OPCML: variants seen among roughly 807,000 people sequenced by gnomAD.
OPCML encodes the protein opioid-binding protein/cell adhesion molecule.
Under a neutral mutation model 37.8 loss-of-function variants are expected in OPCML, and 13 were observed. The observed-to-expected ratio is 0.34, with a 90% confidence interval of 0.22 to 0.55. The LOEUF is 0.55. Ranked by LOEUF, OPCML falls within the 20% of genes least tolerant of loss-of-function variation. The probability of loss-of-function intolerance (pLI) is 0.91; values close to 1 mark genes in which losing one functional copy is unlikely to be tolerated. For missense variants in OPCML, 341 were observed against 435.6 expected, an observed-to-expected ratio of 0.78 and a Z score of 1.93; for synonymous variants, 176 against 168.8, an observed-to-expected ratio of 1.04 and a Z score of -0.33.
intron 2 of OPCML, among the ~76,000 whole-genome samples, chr11:132,813,412 C>A (rs1939456191): frequency 6.6e-6 from 1 of 152,176 alleles, no homozygotes; most frequent in Admixed American, 6.5e-5. Flanking sequence ...TTTAATTCTG[C>A]AGAAGTACCA....
At chr11:133,096,846 C>T (rs1949010950) in intron 1 of OPCML, among the ~76,000 whole-genome samples, 1 of 152,034 alleles carries the variant, frequency 6.6e-6, no homozygotes, top group Non-Finnish European at 1.5e-5. Context: ...GACGACACAG[C>T]AATCTTTACT....
At position 133,400,919 on chromosome 11, in the gene OPCML, C is replaced by T. The variant is rs183260962; in HGVS notation, c.61+131345G>A. Among the ~76,000 whole-genome samples the T allele has an allele frequency of 2.1e-3, 326 of 152,312 alleles. 1 individual carries two copies. The highest frequency in any genetic ancestry group is 7.7e-3 in the African/African-American group (319 of 41,566). On this transcript the variant is annotated intron_variant, in intron 1 of 7. Transcript: ENST00000524381. ...GCCATGCAATCAAAGAAAAAATAAA[C>T]CAGTGCCCTTGTGGGACACTGCAAC...
rs997553426 is a variant in OPCML at position 132,881,615 on chromosome 11, T to A, written c.146+61311A>T. Among the ~76,000 whole-genome samples, 92 of 110,368 alleles carry A rather than the reference T, an allele frequency of 8.3e-4. 2 individuals carry two copies. The East Asian group carries it at 0.022, about 26-fold the overall frequency. 72.4% of individuals were successfully genotyped at this position (110,368 alleles called of 152,430 possible). Reference sequence around the variant, plus strand: ...AAAGAATTAGGCAAGATCCCAAATTTAAAAAAATAATAATAATAAAAAAGA... The same window carrying A: ...AAAGAATTAGGCAAGATCCCAAATTAAAAAAAATAATAATAATAAAAAAGA... On this transcript the variant is annotated intron_variant, in intron 2 of 7. Transcript: ENST00000524381.
intron 1 of OPCML, among the ~76,000 whole-genome samples, chr11:133,326,063 A>T (rs1291564003): frequency 6.6e-6 from 1 of 152,128 alleles, no homozygotes; most frequent in Non-Finnish European, 1.5e-5. Context: ...TTTCTTGCTC[A>T]TCTTTTCCTG....
intron 1 of OPCML, among the ~76,000 whole-genome samples, chr11:133,327,963 C>A (rs1016171612): frequency 6.6e-6 from 1 of 152,064 alleles, no homozygotes; most frequent in Non-Finnish European, 1.5e-5. Flanking sequence ...GAACACTATA[C>A]GGGTTTGGTG....
chr11:133,465,194 C>T (rs1946948101), intron 1 of OPCML, among the ~76,000 whole-genome samples: 1 of 152,194 alleles, frequency 6.6e-6, no homozygotes, highest in Non-Finnish European at 1.5e-5. Flanking sequence ...CAGACACTGC[C>T]TGCATTCTTA....
chr11:133,340,373 A>C (rs1165327791), intron 1 of OPCML, among the ~76,000 whole-genome samples: 1 of 152,196 alleles, frequency 6.6e-6, no homozygotes, highest in Non-Finnish European at 1.5e-5. Context: ...TGTGGAATCG[A>C]TGGCAAAGTG....
chr11:133,448,086 G>T (rs1946507677), intron 1 of OPCML, among the ~76,000 whole-genome samples: 1 of 152,032 alleles, frequency 6.6e-6, no homozygotes, highest in African/African-American at 2.4e-5. Flanking sequence ...CATGCTTTTG[G>T]TATCATTTCT....
At chr11:132,700,253 T>A (rs1227073214) in intron 2 of OPCML, among the ~76,000 whole-genome samples, 1 of 152,126 alleles carries the variant, frequency 6.6e-6, no homozygotes, top group Non-Finnish European at 1.5e-5. Context: ...AAAACAACTC[T>A]GTTTTAAATT....
intron 1 of OPCML, among the ~76,000 whole-genome samples, chr11:132,953,589 G>A (rs1455290255): frequency 6.6e-6 from 1 of 152,124 alleles, no homozygotes; most frequent in East Asian, 1.9e-4. Flanking sequence ...GCCATAAAAT[G>A]TGTTTTTTAA....
chr11:132,734,689 G>A (rs993099460), intron 2 of OPCML, among the ~76,000 whole-genome samples: 2 of 152,224 alleles, frequency 1.3e-5, no homozygotes, highest in African/African-American at 4.8e-5. Flanking sequence ...TGGATTGGGA[G>A]TAATTTGCTA....
chr11:133,063,572 T>TA (rs1948387452), intron 1 of OPCML, among the ~76,000 whole-genome samples: 1 of 151,828 alleles, frequency 6.6e-6, no homozygotes, highest in Non-Finnish European at 1.5e-5. Flanking sequence ...CTGTTGGTTT[T>TA]TTTTTTCGGA....
chr11:132,608,770 C>T (rs1938458156), intron 3 of OPCML, among the ~76,000 whole-genome samples: 1 of 152,154 alleles, frequency 6.6e-6, no homozygotes, highest in African/African-American at 2.4e-5. Flanking sequence ...GCCTGGCATT[C>T]AGTAGATATA....
At chr11:133,004,661 G>C in intron 1 of OPCML, 2 of 985,448 alleles carry the variant, frequency 2.0e-6, no homozygotes, top group Non-Finnish European at 2.4e-6. Flanking sequence ...GCCAGCTGGC[G>C]AGGGACCATG....
intron 3 of OPCML, among the ~76,000 whole-genome samples, chr11:132,649,701 C>T (rs1327928136): frequency 6.6e-6 from 1 of 152,060 alleles, no homozygotes; most frequent in Admixed American, 6.5e-5. Context: ...ACACCTCAAA[C>T]ATTGAACATG....
intron 2 of OPCML, among the ~76,000 whole-genome samples, chr11:132,887,940 C>A (rs375659791): frequency 6.6e-6 from 1 of 152,146 alleles, no homozygotes. Flanking sequence ...GAGGCCAGGC[C>A]AAGGGCTGGT....
chr11:132,537,240 T>C (rs1464424731), intron 3 of OPCML, among the ~76,000 whole-genome samples: 2 of 152,214 alleles, frequency 1.3e-5, no homozygotes, highest in Non-Finnish European at 2.9e-5. Flanking sequence ...AGGATAGGCA[T>C]ATACATCAAT....
intron 2 of OPCML, among the ~76,000 whole-genome samples, chr11:132,816,079 A>G (rs1939618191): frequency 6.6e-6 from 1 of 152,186 alleles, no homozygotes; most frequent in Admixed American, 6.5e-5. Flanking sequence ...GAGGAAATGG[A>G]CATGTTTGCG....
intron 1 of OPCML, among the ~76,000 whole-genome samples, chr11:133,261,807 A>T (rs1367705705): frequency 6.6e-6 from 1 of 152,100 alleles, no homozygotes; most frequent in Non-Finnish European, 1.5e-5. Flanking sequence ...TGTGAGCGGC[A>T]CCCTCAGAGT....
Sources: gnomAD v4.1 joint callset for allele counts (sites outside exome capture counted in the v4.1 genomes callset) on GRCh38, gnomAD v4.1.1 for gene constraint, MANE v1.5 for transcripts, NCBI Gene and HGNC (gene_info 2026-07-23, HGNC 2026-07-21) for gene names.